TAFA1: variants seen among roughly 807,000 people sequenced by gnomAD.
TAFA1 encodes chemokine-like protein TAFA-1.
In TAFA1, 4 loss-of-function variants were observed where a neutral mutation model predicts 18.5. The ratio of observed to expected loss-of-function variants is 0.22; its 90% confidence interval spans 0.11 to 0.49. The LOEUF is 0.49. Among genes scored for constraint, TAFA1 ranks in the 20% least tolerant of loss-of-function variants. TAFA1 has a pLI of 0.98. For synonymous variants in TAFA1, 56 were observed against 55.2 expected, an observed-to-expected ratio of 1.01 and a Z score of -0.06; for missense variants, 147 against 169.0, an observed-to-expected ratio of 0.87 and a Z score of 0.72.
chr3:68,344,303 C>T (rs1369529853), intron 2 of TAFA1, among the ~76,000 whole-genome samples: 1 of 152,030 alleles, frequency 6.6e-6, no homozygotes, highest in Non-Finnish European at 1.5e-5. Flanking sequence ...GTTTTGGGGG[C>T]CTACTGTACA....
At chr3:68,091,899 T>C (rs561418614) in intron 2 of TAFA1, among the ~76,000 whole-genome samples, 2 of 152,240 alleles carry the variant, frequency 1.3e-5, no homozygotes, top group Non-Finnish European at 2.9e-5. Flanking sequence ...CCTATAACAG[T>C]TTGAATGACT....
At chr3:68,432,820 C>T (rs985110775) in intron 3 of TAFA1, among the ~76,000 whole-genome samples, 1 of 151,984 alleles carries the variant, frequency 6.6e-6, no homozygotes, top group Admixed American at 6.6e-5. Flanking sequence ...AATTAAGGAA[C>T]TAGGAGTGTG....
rs201399550 is a variant in TAFA1, at chr3:68,060,200, G to T, written c.118+53456G>T. ...CCATTGCAACTGTGTGTGTGTGTGT[G>T]TGTTTGTGTGTGTGTGTGTGTGTCT... On this transcript the variant is annotated intron_variant, in intron 2 of 4. Transcript: ENST00000478136. Among the ~76,000 whole-genome samples the T allele has an allele frequency of 5.0e-5, 6 of 119,640 alleles. No individual in the cohort carries two copies. In the South Asian group the frequency reaches 1.1e-3, roughly 21 times the overall value. The allele number at this position is 119,640 out of a possible 152,430, so 78.5% of individuals were successfully genotyped here.
intron 2 of TAFA1, among the ~76,000 whole-genome samples, chr3:68,245,934 G>A (rs530917762): frequency 1.3e-4 from 20 of 152,304 alleles, no homozygotes; most frequent in African/African-American, 2.6e-4. Context: ...GTAATAAAGC[G>A]GGTATGGTAT....
rs74519811 is a variant in TAFA1, at chr3:68,509,277, C to T, written c.260-29479C>T. Among the ~76,000 whole-genome samples, 960 of 152,208 alleles carry T rather than the reference C, an allele frequency of 6.3e-3. 12 individuals carry two copies. The highest frequency in any genetic ancestry group is 0.021 in the African/African-American group (888 of 41,562). Reference sequence around the variant, plus strand: ...GTTAATTAATGAAATGTCATCAGCACATGTGGTCTCATTAGAGTTCGTTTC... The same window carrying T: ...GTTAATTAATGAAATGTCATCAGCATATGTGGTCTCATTAGAGTTCGTTTC... On this transcript the variant is annotated intron_variant, in intron 3 of 4. Transcript: ENST00000478136.
intron 2 of TAFA1, among the ~76,000 whole-genome samples, chr3:68,302,400 G>A (rs1054848280): frequency 2.0e-5 from 3 of 152,030 alleles, no homozygotes; most frequent in Non-Finnish European, 4.4e-5. Context: ...TCTCTCATTC[G>A]AATTTATTAT....
chr3:68,508,354 AT>A (rs1375565685), intron 3 of TAFA1, among the ~76,000 whole-genome samples: 11 of 152,056 alleles, frequency 7.2e-5, no homozygotes, highest in Admixed American at 7.2e-4. Context: ...CCTGAAAAAA[AT>A]CTTAGTGTTC....
At chr3:68,523,934 A>G (rs904492889) in intron 3 of TAFA1, among the ~76,000 whole-genome samples, 1 of 152,158 alleles carries the variant, frequency 6.6e-6, no homozygotes, top group Non-Finnish European at 1.5e-5. Context: ...CATTGTCTTT[A>G]TCATTACTTG....
chr3:68,144,960 T>C, intron 2 of TAFA1: 3 of 871,254 alleles, frequency 3.4e-6, no homozygotes, highest in Non-Finnish European at 3.9e-6. Context: ...ATAATGACTA[T>C]AAAGTGGCAT....
chr3:68,100,320 A>G (rs1176414626), intron 2 of TAFA1, among the ~76,000 whole-genome samples: 1 of 152,038 alleles, frequency 6.6e-6, no homozygotes, highest in Non-Finnish European at 1.5e-5. Context: ...CCCTGTCTCT[A>G]CTAAAAATAC....
intron 2 of TAFA1, among the ~76,000 whole-genome samples, chr3:68,284,647 G>A (rs1018032736): frequency 6.6e-6 from 1 of 152,084 alleles, no homozygotes; most frequent in African/African-American, 2.4e-5. Flanking sequence ...AAAAGAGCAG[G>A]CCAGGCATGG....
chr3:68,038,471 C>G (rs1286515919), intron 2 of TAFA1, among the ~76,000 whole-genome samples: 3 of 152,112 alleles, frequency 2.0e-5, no homozygotes, highest in Non-Finnish European at 2.9e-5. Context: ...CTGTCTGAGG[C>G]TAGAAGCCAC....
intron 3 of TAFA1, among the ~76,000 whole-genome samples, chr3:68,466,751 C>T (rs1283552062): frequency 2.6e-5 from 4 of 152,156 alleles, no homozygotes; most frequent in East Asian, 1.9e-4. Flanking sequence ...ATACTAAGAT[C>T]ATGGTTTATC....
intron 2 of TAFA1, among the ~76,000 whole-genome samples, chr3:68,031,393 A>G (rs2106652547): frequency 6.6e-6 from 1 of 152,332 alleles, no homozygotes; most frequent in Admixed American, 6.5e-5. Flanking sequence ...CAGGTGCCAA[A>G]GAAGAAGATG....
chr3:68,370,450 A>G (rs2069672429), intron 2 of TAFA1, among the ~76,000 whole-genome samples: 1 of 43,616 alleles, frequency 2.3e-5, no homozygotes, highest in African/African-American at 1.3e-4. Flanking sequence ...ACATATGTAT[A>G]TATATGTGTG....
chr3:68,474,295 T>G (rs758304100), intron 3 of TAFA1, among the ~76,000 whole-genome samples: 1 of 152,214 alleles, frequency 6.6e-6, no homozygotes, highest in Non-Finnish European at 1.5e-5. Context: ...GGCTTCTTCA[T>G]TTCTCTAAAG....
intron 2 of TAFA1, among the ~76,000 whole-genome samples, chr3:68,081,851 C>T (rs1201308026): frequency 1.3e-5 from 2 of 152,342 alleles, no homozygotes; most frequent in African/African-American, 4.8e-5. Context: ...CCAGTTCGAG[C>T]TTCCTGGCTG....
At chr3:68,085,121 G>A (rs2064955345) in intron 2 of TAFA1, among the ~76,000 whole-genome samples, 1 of 152,158 alleles carries the variant, frequency 6.6e-6, no homozygotes, top group African/African-American at 2.4e-5. Flanking sequence ...CTCACCTACT[G>A]TGAGTCAGGG....
chr3:68,199,521 CTTTAA>C (rs1487127770), intron 2 of TAFA1, among the ~76,000 whole-genome samples: 1 of 151,382 alleles, frequency 6.6e-6, no homozygotes, highest in Non-Finnish European at 1.5e-5. Context: ...TTATTTAGTT[CTTTAA>C]TTTCTTTCAA....
Sources: gnomAD v4.1 joint callset for allele counts (sites outside exome capture counted in the v4.1 genomes callset) on GRCh38, gnomAD v4.1.1 for gene constraint, MANE v1.5 for transcripts, NCBI Gene and HGNC (gene_info 2026-07-23, HGNC 2026-07-21) for gene names.